The following SMOC1 variants were observed in gnomAD, a reference collection of about 807,000 sequenced individuals.
SMOC1 encodes the protein SPARC related modular calcium binding 1.
In SMOC1, 22 loss-of-function variants were observed where a neutral mutation model predicts 56.3. The observed-to-expected ratio is 0.39, with a 90% CI of 0.28 to 0.56. The LOEUF (loss-of-function observed/expected upper bound fraction) is 0.56. Ranked by LOEUF, SMOC1 falls within the 20% of genes least tolerant of loss-of-function variation. SMOC1 has a pLI of 0.61. For missense variants in SMOC1, 509 were observed against 565.4 expected (o/e 0.90, Z 1.01); for synonymous variants, 193 against 215.0 (o/e 0.90, Z 0.89).
At chr14:69,991,911 A>G (rs74060680) in intron 5 of SMOC1, among the ~76,000 whole-genome samples, 2,231 of 152,284 alleles carry the variant, frequency 0.015, 50 homozygotes, top group African/African-American at 0.05. Flanking sequence ...GGAGATTGGA[A>G]GGGAATGGCA....
At chr14:70,002,269 G>A (rs1884995640) in intron 7 of SMOC1, among the ~76,000 whole-genome samples, 1 of 152,178 alleles carries the variant, frequency 6.6e-6, no homozygotes, top group Non-Finnish European at 1.5e-5. Context: ...TATTCTGTGG[G>A]GGAAAGGGCT....
intron 1 of SMOC1, among the ~76,000 whole-genome samples, chr14:69,919,880 T>C (rs1884786164): frequency 6.6e-6 from 1 of 151,200 alleles, no homozygotes; most frequent in Non-Finnish European, 1.5e-5. Context: ...AATACAACCA[T>C]CTGGACTAAA....
intron 1 of SMOC1, among the ~76,000 whole-genome samples, chr14:69,904,216 C>T (rs1884346640): frequency 6.6e-6 from 1 of 152,214 alleles, no homozygotes; most frequent in South Asian, 2.1e-4. Flanking sequence ...TTCTGTCATT[C>T]ACAACAGAGA....
chr14:69,914,386 T>C (rs1022963852), intron 1 of SMOC1, among the ~76,000 whole-genome samples: 13 of 152,182 alleles, frequency 8.5e-5, no homozygotes, highest in African/African-American at 3.1e-4. Flanking sequence ...AAGCCTTATA[T>C]TTACAAAAAT....
At chr14:69,917,627 C>T (rs760379145) in intron 1 of SMOC1, among the ~76,000 whole-genome samples, 2 of 152,184 alleles carry the variant, frequency 1.3e-5, no homozygotes, top group East Asian at 1.9e-4. Context: ...GGTTACACTT[C>T]GGATGGTAAC....
intron 1 of SMOC1, among the ~76,000 whole-genome samples, chr14:69,903,289 A>T (rs1884305424): frequency 6.8e-6 from 1 of 147,716 alleles, no homozygotes; most frequent in Non-Finnish European, 1.5e-5. Context: ...GGGAGGTGAG[A>T]AGCGTCTCTG....
At chr14:69,912,124 G>T (rs185729835) in intron 1 of SMOC1, among the ~76,000 whole-genome samples, 8 of 152,292 alleles carry the variant, frequency 5.3e-5, no homozygotes, top group Admixed American at 2.0e-4. Context: ...TTTGGATGTT[G>T]TTTCCAAATG....
At chr14:69,938,069 C>A (rs1313465236) in intron 1 of SMOC1, among the ~76,000 whole-genome samples, 1 of 152,142 alleles carries the variant, frequency 6.6e-6, no homozygotes, top group Non-Finnish European at 1.5e-5. Flanking sequence ...CAGTGTAAAT[C>A]TCTCCACTGT....
intron 5 of SMOC1, 82 bp downstream of exon 5, chr14:69,978,047 C>G (rs1283925695): frequency 8.7e-7 from 1 of 1,143,244 alleles, no homozygotes; most frequent in South Asian, 1.2e-5. Context: ...ATAGAAGGAG[C>G]CTGGGGTGAA....
intron 5 of SMOC1, among the ~76,000 whole-genome samples, chr14:69,980,554 G>A (rs1457751616): frequency 6.6e-6 from 1 of 152,216 alleles, no homozygotes; most frequent in African/African-American, 2.4e-5. Context: ...CACACCTGAA[G>A]CCACACCTGT....
At chr14:69,995,961 C>T (rs189427161) in intron 7 of SMOC1, among the ~76,000 whole-genome samples, 12 of 152,194 alleles carry the variant, frequency 7.9e-5, no homozygotes, top group Admixed American at 2.0e-4. Context: ...GCCTGTAGTA[C>T]CTGGTGCCGG....
intron 3 of SMOC1, among the ~76,000 whole-genome samples, chr14:69,954,188 G>A (rs1883108297): frequency 6.6e-6 from 1 of 151,890 alleles, no homozygotes; most frequent in African/African-American, 2.4e-5. Flanking sequence ...TTTGGAGACA[G>A]GGTCTCAATC....
intron 1 of SMOC1, among the ~76,000 whole-genome samples, chr14:69,890,790 T>G (rs1400011026): frequency 2.0e-5 from 3 of 152,208 alleles, no homozygotes; most frequent in African/African-American, 7.2e-5. Context: ...TTGCTGCTGG[T>G]GGGAATATAA....
intron 1 of SMOC1, among the ~76,000 whole-genome samples, chr14:69,925,972 C>A (rs1884999735): frequency 6.6e-6 from 1 of 152,154 alleles, no homozygotes; most frequent in South Asian, 2.1e-4. Flanking sequence ...CCCCACTCTC[C>A]CGCAGAGACT....
At chr14:69,950,175 AAGGCCTGTGCAGTGGTTTC>A (rs1392983831) in intron 1 of SMOC1, among the ~76,000 whole-genome samples, 1 of 152,232 alleles carries the variant, frequency 6.6e-6, no homozygotes, top group African/African-American at 2.4e-5. Context: ...CCATTTGGAC[AAGGCCTGTGCAGTGGTTTC>A]AGCCCTCAGC....
intron 1 of SMOC1, among the ~76,000 whole-genome samples, chr14:69,951,826 A>T (rs957886818): frequency 1.3e-5 from 2 of 152,274 alleles, no homozygotes; most frequent in African/African-American, 4.8e-5. Context: ...TCTGGGCTTC[A>T]GTTTCCTTGT....
chr14:69,929,013 C>G (rs555084912), intron 1 of SMOC1, among the ~76,000 whole-genome samples: 130 of 152,310 alleles, frequency 8.5e-4, no homozygotes, highest in African/African-American at 2.9e-3. Context: ...TCTGGAGGGT[C>G]CTGATCCCTC....
At chr14:69,953,290 T>G in intron 2 of SMOC1, 130 bp from the exon 3 acceptor site, 1 of 802,460 alleles carries the variant, frequency 1.2e-6, no homozygotes, top group Non-Finnish European at 2.2e-6. Flanking sequence ...ACGGCCCTTT[T>G]AGGGTTGGAC....
Position 69,975,734 on chromosome 14 carries a change from C to G in SMOC1, c.398C>G (p.Thr133Ser). Reference sequence around the variant, plus strand: ...GAACAGGTGCAGTGCCATACTTACACTGGGTACTGCTGGTGTGTCACCCCG... The same window carrying G: ...GAACAGGTGCAGTGCCATACTTACAGTGGGTACTGCTGGTGTGTCACCCCG... ...SFTQVQCHTY[T>S]GYCWCVTPDG... The change falls in exon 4 of 12, where the codon ACT becomes AGT. Residue 133 changes from threonine (T) to serine (S), a missense_variant. Thr to Ser is a moderately conservative substitution (Grantham distance 58). Around this residue, in one of 3 missense-constraint regions of SMOC1, gnomAD observed 315 missense variants for 333.1 expected, o/e 0.95. Transcript: ENST00000361956. 1 of 1,612,910 alleles carries G rather than the reference C, an allele frequency of 6.2e-7. No homozygotes were observed. Among genetic ancestry groups the G allele is most frequent in the Non-Finnish European group, 8.5e-7 (1 of 1,179,766 alleles).
Sources: gnomAD v4.1 joint callset for allele counts (sites outside exome capture counted in the v4.1 genomes callset) on GRCh38, gnomAD v4.1.1 for gene constraint, gnomAD v4.1.1 regional missense constraint, MANE v1.5 for transcripts, NCBI Gene and HGNC (gene_info 2026-07-23, HGNC 2026-07-21) for gene names.